The following ATXN7L1 variants were observed in gnomAD, a reference collection of about 807,000 sequenced individuals.
ATXN7L1 encodes ataxin 7 like 1, also known as ataxin-7-like protein 1.
A neutral mutation model predicts 70.8 loss-of-function variants in ATXN7L1; 15 were observed. The observed-to-expected ratio is 0.21, with a 90% confidence interval of 0.14 to 0.33. The LOEUF (loss-of-function observed/expected upper bound fraction) is 0.33. ATXN7L1 is among the 10% of genes least tolerant of loss of function. The pLI is 1.00. For synonymous variants in ATXN7L1, 440 were observed against 445.1 expected (o/e 0.99, Z 0.14); for missense variants, 975 against 1,097.1 (o/e 0.89, Z 1.57).
At chr7:105,644,204 T>C (rs1273518314) in intron 4 of ATXN7L1, among the ~76,000 whole-genome samples, 1 of 152,210 alleles carries the variant, frequency 6.6e-6, no homozygotes, top group Non-Finnish European at 1.5e-5. Flanking sequence ...TCCACATGGC[T>C]GGCTGGCTGG....
At chr7:105,708,264 T>A (rs1047468422) in intron 3 of ATXN7L1, among the ~76,000 whole-genome samples, 1 of 152,186 alleles carries the variant, frequency 6.6e-6, no homozygotes, top group Admixed American at 6.5e-5. Context: ...CGGGCCTCAG[T>A]GTCCCTACCT....
chr7:105,636,206 C>T lies in ATXN7L1; in HGVS notation c.1202+2147G>A, dbSNP rs147702339. Among the ~76,000 whole-genome samples, 851 of 152,082 alleles carry T rather than the reference C, an allele frequency of 5.6e-3. 2 individuals are homozygous for T. The highest frequency in any genetic ancestry group is 7.8e-3 in the Non-Finnish European group (529 of 67,978). ...GGTTAGGAGTTTGAGACCAACTTGG[C>T]CAACATGGTGAAACCCCATCTGTAC... On this transcript the variant is annotated intron_variant, in intron 7 of 11. Transcript: ENST00000419735.
rs1407538607 is a variant in ATXN7L1, at chr7:105,876,486, CTTGTTGCT to C, written c.65_72del (p.Lys22ArgfsTer57). 1 of 1,613,222 alleles carries C rather than the reference CTTGTTGCT, an allele frequency of 6.2e-7. No homozygotes were observed. On this transcript the variant is annotated frameshift_variant, in exon 1 of 12. Coordinates refer to ENST00000419735, the MANE Select transcript of ATXN7L1 (RefSeq NM_020725.2). LOFTEE classifies it high-confidence loss of function. ...TCCAGTGTCGCCATTGCTCTTCCTT[CTTGTTGCT>C]TTTTCCCTGTTCCTTCGGCAGCAGC...
intron 2 of ATXN7L1, among the ~76,000 whole-genome samples, chr7:105,826,934 G>A (rs1468142691): frequency 6.6e-6 from 1 of 152,178 alleles, no homozygotes; most frequent in Non-Finnish European, 1.5e-5. Context: ...ATAGAAGGAA[G>A]AGCTGATACG....
At position 105,716,547 on chromosome 7, in the gene ATXN7L1, G is replaced by C. The variant is rs188843618; in HGVS notation, c.356-51259C>G. ...TCTCTGTTTTTTAAAATTACAAAAA[G>C]GTCCAGGTGTGGTGGCTCAGGCTCA... is the stretch of plus-strand genomic sequence containing the variant. On this transcript the variant is annotated intron_variant, in intron 3 of 11. Transcript: ENST00000419735. Among the ~76,000 whole-genome samples, 6 of 152,060 alleles carry C rather than the reference G, an allele frequency of 3.9e-5. No individual in the cohort carries two copies. In the East Asian group the frequency reaches 9.7e-4, roughly 24 times the overall value.
intron 2 of ATXN7L1, among the ~76,000 whole-genome samples, chr7:105,791,079 G>T (rs964395406): frequency 3.3e-5 from 5 of 152,236 alleles, no homozygotes; most frequent in African/African-American, 1.2e-4. Flanking sequence ...CAAGGGAAAT[G>T]GAACTGACAG....
Position 105,606,918 on chromosome 7 carries a change from T to C in ATXN7L1, c.*934A>G, listed in dbSNP as rs1792786172. 6.6e-6 allele frequency: 1 copy of C among 152,378 alleles called. No homozygotes were observed. The highest frequency in any genetic ancestry group is 1.9e-4 in the East Asian group (1 of 5,178). The allele number at this position is 152,378 out of a possible 1,614,324, so 9.4% of individuals were successfully genotyped here. On this transcript the variant is annotated 3_prime_UTR_variant, in exon 12 of 12. Coordinates refer to ENST00000419735, the MANE Select transcript of ATXN7L1 (RefSeq NM_020725.2). ...CAGCTGTGGTCACCGTGCCTCCTCA[T>C]GGAGTGGCTTTCTGGGTTCTCACGA...
Position 105,620,328 on chromosome 7 carries a change from G to C in ATXN7L1, c.1396-7C>G. ...GACTCCCAAATGAGCAAAACTGTGA[G>C]GAAAAAAAAATTTTAATTTTGATTA... On this transcript the variant is annotated splice_region_variant and splice_polypyrimidine_tract_variant and intron_variant, in intron 8 of 11. Coordinates refer to ENST00000419735, the MANE Select transcript of ATXN7L1 (RefSeq NM_020725.2). The C allele has an allele frequency of 6.5e-7, 1 of 1,529,580 alleles. No individual in the cohort carries two copies. Among genetic ancestry groups the C allele is most frequent in the Non-Finnish European group, 8.8e-7 (1 of 1,139,944 alleles). The allele number at this position is 1,529,580 out of a possible 1,614,324, so 94.8% of individuals were successfully genotyped here.
intron 2 of ATXN7L1, among the ~76,000 whole-genome samples, chr7:105,807,267 G>T (rs1053014775): frequency 1.3e-5 from 2 of 152,238 alleles, no homozygotes; most frequent in Non-Finnish European, 2.9e-5. Context: ...GCTTAGAGGT[G>T]AAGAACCCAG....
At chr7:105,871,434 A>C (rs904766435) in intron 2 of ATXN7L1, among the ~76,000 whole-genome samples, 1 of 152,200 alleles carries the variant, frequency 6.6e-6, no homozygotes, top group Non-Finnish European at 1.5e-5. Flanking sequence ...ATTTGGGGCC[A>C]GGTGCAGTGG....
intron 9 of ATXN7L1, among the ~76,000 whole-genome samples, chr7:105,617,277 G>C (rs1040081681): frequency 5.3e-5 from 8 of 152,110 alleles, no homozygotes; most frequent in African/African-American, 1.9e-4. Context: ...GCCTGCCTCG[G>C]CCTCCCAAAG....
intron 9 of ATXN7L1, among the ~76,000 whole-genome samples, chr7:105,618,486 A>C (rs1287658530): frequency 6.6e-6 from 1 of 152,164 alleles, no homozygotes; most frequent in African/African-American, 2.4e-5. Flanking sequence ...TTCAGACACA[A>C]ATGGGGCTCA....
chr7:105,724,089 T>G (rs533180070), intron 3 of ATXN7L1, among the ~76,000 whole-genome samples: 13 of 152,016 alleles, frequency 8.6e-5, no homozygotes, highest in Non-Finnish European at 1.6e-4. Flanking sequence ...GTACCACAAT[T>G]TGGGGGGCTT....
chr7:105,720,087 C>A (rs1449054998), intron 3 of ATXN7L1, among the ~76,000 whole-genome samples: 1 of 152,216 alleles, frequency 6.6e-6, no homozygotes, highest in Non-Finnish European at 1.5e-5. Context: ...CAGGAGTGTG[C>A]TTCTTGCTTC....
At chr7:105,818,493 A>G (rs1420679291) in intron 2 of ATXN7L1, among the ~76,000 whole-genome samples, 2 of 151,562 alleles carry the variant, frequency 1.3e-5, no homozygotes, top group Non-Finnish European at 2.9e-5. Context: ...CCAGTAAAAC[A>G]GGCTTAGAAT....
At chr7:105,639,339 T>G in intron 6 of ATXN7L1, 148 bp downstream of exon 6, 1 of 494,622 alleles carries the variant, frequency 2.0e-6, no homozygotes, top group Non-Finnish European at 3.5e-6. Flanking sequence ...TCTGCTACCA[T>G]GGACGAGAAG....
chr7:105,713,004 T>C (rs1794113359), intron 3 of ATXN7L1, among the ~76,000 whole-genome samples: 1 of 152,176 alleles, frequency 6.6e-6, no homozygotes, highest in African/African-American at 2.4e-5. Flanking sequence ...TTCTGTAGGC[T>C]AAACAGGAAG....
intron 2 of ATXN7L1, among the ~76,000 whole-genome samples, chr7:105,808,110 A>G (rs1807884536): frequency 6.6e-6 from 1 of 152,186 alleles, no homozygotes; most frequent in South Asian, 2.1e-4. Flanking sequence ...CCTAGAAAGC[A>G]GGAAAAGGAA....
intron 9 of ATXN7L1, among the ~76,000 whole-genome samples, chr7:105,616,799 T>C (rs1473030982): frequency 2.6e-5 from 4 of 152,194 alleles, no homozygotes; most frequent in South Asian, 4.1e-4. Flanking sequence ...GGAACATTTC[T>C]TAGAGGGGGA....
Sources: gnomAD v4.1 joint callset for allele counts (sites outside exome capture counted in the v4.1 genomes callset) on GRCh38, gnomAD v4.1.1 for gene constraint, MANE v1.5 for transcripts, NCBI Gene and HGNC (gene_info 2026-07-23, HGNC 2026-07-21) for gene names.